ADGRD2: variants seen among roughly 807,000 people sequenced by gnomAD.
The protein encoded by ADGRD2 is adhesion G protein-coupled receptor D2, also known as G protein-coupled receptor PGR24.
In ADGRD2, 71 loss-of-function variants were observed where a neutral mutation model predicts 44.4. The ratio of observed to expected loss-of-function variants is 1.60; its 90% confidence interval spans 1.32 to 1.95. ADGRD2 has a LOEUF of 1.95. Among genes scored for constraint, ADGRD2 ranks in the 30% most tolerant of loss-of-function variants. ADGRD2 has a pLI of 0.00. For missense variants in ADGRD2, 1,039 were observed against 512.4 expected, an observed-to-expected ratio of 2.03 and a Z score of -9.92; for synonymous variants, 481 against 224.8, an observed-to-expected ratio of 2.14 and a Z score of -10.19.
exon 10 of ADGRD2, chr9:124,458,667 C>T (rs1462928947): frequency 1.8e-5 from 13 of 718,636 alleles, no homozygotes; most frequent in Admixed American, 1.6e-4. Flanking sequence ...AAGTGTGGGA[C>T]GTCACTGGAG....
At position 124,474,276 on chromosome 9, in the gene ADGRD2, C is replaced by CAAA. The variant is rs397947760; in HGVS notation, c.2759-1150_2759-1148dup. Among the ~76,000 whole-genome samples, 90 of 80,238 alleles carry CAAA rather than the reference C, an allele frequency of 1.1e-3. 1 individual carries two copies. The highest frequency in any genetic ancestry group is 2.7e-3 in the African/African-American group (57 of 21,020). 52.6% of individuals were successfully genotyped at this position (80,238 alleles called of 152,430 possible). ...GGCAATAAGAGTGAAAACTCTGTCTCAAAAAAAAAAAAAAAAAAAAAAGAG... is the reference window on the plus strand; with the variant it reads ...GGCAATAAGAGTGAAAACTCTGTCTCAAAAAAAAAAAAAAAAAAAAAAAAAGAG... On this transcript the variant is annotated intron_variant, in intron 17 of 21. Coordinates refer to ENST00000334810, the Ensembl canonical transcript of ADGRD2.
At chr9:124,477,162 G>A (rs923074902) in intron 21 of ADGRD2, 2 of 426,314 alleles carry the variant, frequency 4.7e-6, no homozygotes, top group East Asian at 7.0e-5. Context: ...CCAAGGCTGC[G>A]GGTCACCAGC....
chr9:124,471,002 T>A (rs1297458568), intron 17 of ADGRD2, among the ~76,000 whole-genome samples: 1 of 152,172 alleles, frequency 6.6e-6, no homozygotes, highest in Admixed American at 6.5e-5. Context: ...CCCCTTGGGG[T>A]CTGCGGCCTG....
exon 11 of ADGRD2, chr9:124,466,330 G>A: frequency 1.4e-6 from 1 of 717,156 alleles, no homozygotes; most frequent in South Asian, 1.5e-5. Context: ...CTGCTCCGTG[G>A]CTGCCCTGTA....
upstream of ADGRD2, among the ~76,000 whole-genome samples, chr9:124,451,895 A>G (rs1286073564): frequency 6.6e-6 from 1 of 152,182 alleles, no homozygotes; most frequent in Non-Finnish European, 1.5e-5. Context: ...CTCCTCACAC[A>G]GGGAAAAGGC....
chr9:124,464,811 C>T (rs1471035371), intron 10 of ADGRD2, among the ~76,000 whole-genome samples: 5 of 151,256 alleles, frequency 3.3e-5, no homozygotes, highest in South Asian at 4.2e-4. Context: ...TGTGTGTGTA[C>T]GTGTGTGTGT....
At chr9:124,458,716 G>A (rs896118940) in exon 10 of ADGRD2, 1 of 718,246 alleles carries the variant, frequency 1.4e-6, no homozygotes, top group African/African-American at 1.7e-5. Context: ...CCAGCACCGG[G>A]CCCAGGTACT....
rs1469951089 is a variant in ADGRD2 at position 124,454,772 on chromosome 9, C to A, written c.1109-71C>A. Reference sequence around the variant, plus strand: ...GCCCACCAAGAAGACCCTGGCAAAGCCCAAGTGTGGCCCTTGGGGGGATCC... The same window carrying A: ...GCCCACCAAGAAGACCCTGGCAAAGACCAAGTGTGGCCCTTGGGGGGATCC... On this transcript the variant is annotated intron_variant, in intron 5 of 21. Transcript: ENST00000334810. This position sits in a 1 kb window ranked among gnomAD's most constrained non-coding sequence, Gnocchi z 4.5. The A allele has an allele frequency of 6.4e-6, 4 of 621,862 alleles. No individual in the cohort carries two copies. The East Asian group carries it at 1.1e-4, about 17-fold the overall frequency. The allele number at this position is 621,862 out of a possible 1,614,324, so 38.5% of individuals were successfully genotyped here.
At chr9:124,466,660 A>T in intron 11 of ADGRD2, 1 of 298,090 alleles carries the variant, frequency 3.4e-6, no homozygotes, top group East Asian at 6.6e-5. Context: ...AAATGCAAAA[A>T]TTAGCCAGGT....
chr9:124,477,006 C>T (rs1346797810), intron 21 of ADGRD2: 2 of 655,330 alleles, frequency 3.1e-6, no homozygotes, highest in Admixed American at 4.2e-5. Flanking sequence ...CAGGGGGGCG[C>T]TGCCAAGGAG....
intron 10 of ADGRD2, among the ~76,000 whole-genome samples, chr9:124,463,854 T>C (rs1024820654): frequency 5.9e-5 from 9 of 152,176 alleles, no homozygotes; most frequent in Non-Finnish European, 8.8e-5. Context: ...TTATTTATTT[T>C]TGAGACAGTC....
upstream of ADGRD2, chr9:124,451,511 G>A (rs920253689): frequency 6.0e-6 from 2 of 331,646 alleles, no homozygotes; most frequent in Non-Finnish European, 1.2e-5. Flanking sequence ...GCTCAGTGGG[G>A]TCTGGGAGTC....
intron 7 of ADGRD2, among the ~76,000 whole-genome samples, 160 bp from the exon 11 acceptor site, chr9:124,457,312 A>C (rs1831637264): frequency 6.6e-6 from 1 of 152,166 alleles, no homozygotes; most frequent in African/African-American, 2.4e-5. Context: ...GAATTGGAAA[A>C]GTCAGATTTG....
chr9:124,458,712 C>T, exon 10 of ADGRD2: 1 of 718,506 alleles, frequency 1.4e-6, no homozygotes, highest in Non-Finnish European at 2.6e-6. Context: ...ATCTCCAGCA[C>T]CGGGCCCAGG....
chr9:124,452,470 C>T lies in ADGRD2; in HGVS notation c.69-40C>T. 4.2e-6 allele frequency: 3 copies of T among 718,016 alleles called. 1 individual carries two copies. The highest frequency in any genetic ancestry group is 7.8e-6 in the Non-Finnish European group (3 of 385,020). The allele number at this position is 718,016 out of a possible 1,614,324, so 44.5% of individuals were successfully genotyped here. A position where few individuals can be genotyped will look rare whatever the true frequency, so the allele number is the denominator to read the frequency against. ...CCCAGCCCTGGAAGAGTCAGATGCC[C>T]ACAAAATGCACCCCCCACCGTCTCT... On this transcript the variant is annotated intron_variant, in intron 1 of 21. Coordinates refer to ENST00000334810, the Ensembl canonical transcript of ADGRD2.
intron 7 of ADGRD2, among the ~76,000 whole-genome samples, chr9:124,457,113 C>T (rs145689674): frequency 6.6e-6 from 1 of 152,358 alleles, no homozygotes; most frequent in African/African-American, 2.4e-5. Context: ...TGAGCCATCT[C>T]AGCATCTTGG....
chr9:124,453,858 C>A (rs1052373769), intron 3 of ADGRD2, 141 bp from the exon 7 acceptor site: 1 of 506,540 alleles, frequency 2.0e-6, no homozygotes. Context: ...CTGCGCTCGT[C>A]CCCCGGCCCC....
At chr9:124,450,616 A>G (rs1225607624), upstream of ADGRD2, among the ~76,000 whole-genome samples, 1 of 152,232 alleles carries the variant, frequency 6.6e-6, no homozygotes. Context: ...AGTGGTGGGC[A>G]AACTTCGCAT....
rs1462253350 is a variant in ADGRD2 at position 124,467,693 on chromosome 9, AG to A, written c.2027-22del. 38 of 717,394 alleles carry A rather than the reference AG, an allele frequency of 5.3e-5. No individual in the cohort carries two copies. In the East Asian group the frequency reaches 9.7e-4, roughly 18 times the overall value. 44.4% of individuals were successfully genotyped at this position (717,394 alleles called of 1,614,324 possible). A position where few individuals can be genotyped will look rare whatever the true frequency, so the allele number is the denominator to read the frequency against. The stretch of plus-strand genomic sequence containing the variant: ...GCCTGGGTTGGGTCTGGGTGGTGCC[AG>A]GGGGGTTTCTCTGTCCCTCCACACA... On this transcript the variant is annotated intron_variant, in intron 11 of 21. Transcript: ENST00000334810.
Sources: allele counts gnomAD v4.1 joint callset (sites outside exome capture counted in the v4.1 genomes callset), GRCh38; gene constraint gnomAD v4.1.1; non-coding constraint Gnocchi (gnomAD v3.1); transcripts MANE v1.5; gene names NCBI Gene and HGNC (gene_info 2026-07-23, HGNC 2026-07-21).